The following MSN variants were observed in gnomAD, a reference collection of about 807,000 sequenced individuals.
MSN encodes epididymis luminal protein 70.
In MSN, 2 loss-of-function variants were observed where a neutral mutation model predicts 48.0. The ratio of observed to expected loss-of-function variants is 0.04; its 90% CI spans 0.02 to 0.13. The LOEUF is 0.13. Ranked by LOEUF, MSN falls within the 10% of genes least tolerant of loss-of-function variation. The probability of loss-of-function intolerance (pLI) is 1.00; values close to 1 mark genes in which losing one functional copy is unlikely to be tolerated. For missense variants in MSN, 267 were observed against 470.1 expected (o/e 0.57, Z 3.99); for synonymous variants, 146 against 166.9 (o/e 0.87, Z 0.97).
chrX:65,634,698 A>G (rs1602739237), intron 1 of MSN, among the ~76,000 whole-genome samples: 1 of 112,990 alleles, frequency 8.9e-6, no homozygotes, highest in African/African-American at 3.2e-5. Flanking sequence ...CTTCATGATG[A>G]CTAATATAAA....
chrX:65,682,281 A>G (rs1317152450), intron 1 of MSN, among the ~76,000 whole-genome samples: 1 of 112,191 alleles, frequency 8.9e-6, no homozygotes, highest in Non-Finnish European at 1.9e-5. Flanking sequence ...CAGTTCATGA[A>G]GAACCATCTA....
intron 2 of MSN, among the ~76,000 whole-genome samples, chrX:65,724,036 CTCTT>C (rs1175518660): frequency 9.2e-6 from 1 of 109,156 alleles, no homozygotes; most frequent in Non-Finnish European, 1.9e-5. Context: ...CCTGAATTCT[CTCTT>C]TTTTTTTTTT....
At chrX:65,643,466 A>C (rs1418005483) in intron 1 of MSN, among the ~76,000 whole-genome samples, 1 of 111,063 alleles carries the variant, frequency 9.0e-6, no homozygotes, top group African/African-American at 3.3e-5. Flanking sequence ...GTTAAATCTT[A>C]GAACCAGCTA....
chrX:65,651,112 A>G (rs2070738398), intron 1 of MSN, among the ~76,000 whole-genome samples: 1 of 110,983 alleles, frequency 9.0e-6, no homozygotes, highest in Non-Finnish European at 1.9e-5. Flanking sequence ...ATGTAACATA[A>G]TATATTAATA....
At chrX:65,664,121 C>T (rs754698804), upstream of MSN, among the ~76,000 whole-genome samples, 8 of 110,157 alleles carry the variant, frequency 7.3e-5, no homozygotes, top group East Asian at 2.8e-4. Flanking sequence ...ACATATACAC[C>T]GTGGAATACT....
chrX:65,633,161 T>C (rs1330437778), intron 1 of MSN, among the ~76,000 whole-genome samples: 1 of 111,489 alleles, frequency 9.0e-6, no homozygotes, highest in Admixed American at 9.6e-5. Context: ...AAGGACCTAC[T>C]TGTTACAAAA....
chrX:65,721,254 C>T (rs1291642762), intron 2 of MSN, among the ~76,000 whole-genome samples: 1 of 112,149 alleles, frequency 8.9e-6, no homozygotes, highest in Admixed American at 9.4e-5. Flanking sequence ...TAGAACCAGC[C>T]CTGAGTTCAA....
intron 10 of MSN, 121 bp downstream of exon 10, chrX:65,737,459 C>A: frequency 1.2e-6 from 1 of 839,245 alleles, no homozygotes; most frequent in Non-Finnish European, 1.6e-6. Context: ...CTCCATGGGC[C>A]TCCAGCAAAT....
intron 1 of MSN, among the ~76,000 whole-genome samples, chrX:65,679,214 A>G (rs2071031265): frequency 8.9e-6 from 1 of 111,889 alleles, no homozygotes; most frequent in Admixed American, 9.5e-5. Flanking sequence ...GGAAGAATAG[A>G]AGACCCTTGG....
rs1338860949 is a variant in MSN at position 65,615,770 on chromosome X, A to C, written c.-22+27158A>C. ...ATTGCTTTTGGTGTTTTAGACATGA[A>C]GTCCATGCCCATGCCTATGTCCTGA... On this transcript the variant is annotated intron_variant, in intron 1 of 3. Transcript: ENST00000609672. Among the ~76,000 whole-genome samples, 81 of 111,244 alleles carry C rather than the reference A, an allele frequency of 7.3e-4. 3 individuals are homozygous for C. In the Admixed American group the frequency reaches 7.5e-3, roughly 10 times the overall value.
At position 65,603,013 on chromosome X, in the gene MSN, A is replaced by C. The variant is rs73629456; in HGVS notation, c.-22+14401A>C. Among the ~76,000 whole-genome samples, 863 of 112,208 alleles carry C rather than the reference A, an allele frequency of 7.7e-3. 8 individuals carry two copies. The highest frequency in any genetic ancestry group is 0.027 in the African/African-American group (825 of 30,890). The stretch of plus-strand genomic sequence containing the variant: ...AGGTTACACAGAAAGTGAATTCCAG[A>C]TCAGGTGCAGTGGCTCACACCTGTA... On this transcript the variant is annotated intron_variant, in intron 1 of 3. Transcript: ENST00000609672.
At chrX:65,695,236 C>T (rs949767334) in intron 1 of MSN, among the ~76,000 whole-genome samples, 2 of 110,622 alleles carry the variant, frequency 1.8e-5, no homozygotes, top group Middle Eastern at 4.6e-3. Flanking sequence ...CGTGTTGGCT[C>T]ACGCCTGTAA....
At chrX:65,702,623 G>A (rs764253528) in intron 1 of MSN, among the ~76,000 whole-genome samples, 1 of 109,991 alleles carries the variant, frequency 9.1e-6, no homozygotes, top group South Asian at 3.9e-4. Context: ...CCAAGATCAC[G>A]CCATTGCACT....
rs1491122832 is a variant in MSN at position 65,641,549 on chromosome X, AGT to A, written c.-22+52938_-22+52939del. 5.0e-3 allele frequency among the ~76,000 whole-genome samples: 162 copies of A among 32,555 alleles called. 6 individuals carry two copies. Among genetic ancestry groups the A allele is most frequent in the African/African-American group, 0.014 (130 of 9,242 alleles). 28.3% of individuals were successfully genotyped at this position (32,555 alleles called of 115,157 possible). ...GGTCTCAAAAAAAAAAAAAAAGTGA[AGT>A]ATATATATATATATATATATATATA... On this transcript the variant is annotated intron_variant, in intron 1 of 3. Coordinates refer to the MSN transcript ENST00000609672.
chrX:65,626,854 A>T (rs1464441361), intron 1 of MSN, among the ~76,000 whole-genome samples: 1 of 111,451 alleles, frequency 9.0e-6, no homozygotes, highest in Admixed American at 9.6e-5. Context: ...AAGCCCCTAG[A>T]GAGACTAGAA....
At position 65,735,525 on chromosome X, in the gene MSN, A is replaced by G. The variant is rs1240174664; in HGVS notation, c.959+95A>G. 6.4e-6 allele frequency: 6 copies of G among 940,449 alleles called. No homozygotes were observed. In the South Asian group the frequency reaches 7.9e-5, roughly 12 times the overall value. The allele number at this position is 940,449 out of a possible 1,213,427, so 77.5% of individuals were successfully genotyped here. On this transcript the variant is annotated intron_variant, in intron 8 of 12. Transcript: ENST00000360270. ...CTAAGTCAGGACATGAGGCCAACCTAGGACTTCATAGATGAGAGGTTAGAC... is the reference window on the plus strand; with the variant it reads ...CTAAGTCAGGACATGAGGCCAACCTGGGACTTCATAGATGAGAGGTTAGAC...
chrX:65,591,049 A>G (rs1234246235), intron 1 of MSN, among the ~76,000 whole-genome samples: 1 of 110,986 alleles, frequency 9.0e-6, no homozygotes, highest in Admixed American at 9.7e-5. Flanking sequence ...TGGCAACTCT[A>G]TCTTAGCCTA....
intron 1 of MSN, among the ~76,000 whole-genome samples, chrX:65,658,891 C>T (rs1159371128): frequency 9.1e-6 from 1 of 109,359 alleles, no homozygotes; most frequent in Non-Finnish European, 1.9e-5. Context: ...GTCACCCAGG[C>T]TGGAGTGCAA....
chrX:65,703,357 C>T (rs1364415170), intron 1 of MSN, among the ~76,000 whole-genome samples: 1 of 110,518 alleles, frequency 9.0e-6, no homozygotes, highest in African/African-American at 3.3e-5. Context: ...TTATTAGACC[C>T]GTTTTATAGA....
Sources: allele counts gnomAD v4.1 joint callset (sites outside exome capture counted in the v4.1 genomes callset), GRCh38; gene constraint gnomAD v4.1.1; transcripts MANE v1.5; gene names NCBI Gene and HGNC (gene_info 2026-07-23, HGNC 2026-07-21).